HRH1: variants seen among roughly 807,000 people sequenced by gnomAD.
HRH1 encodes the protein histamine receptor H1.
HRH1 carries 6 observed loss-of-function variants against 10.3 expected under a neutral mutation model. The observed-to-expected ratio is 0.58, with a 90% CI of 0.32 to 1.15. The LOEUF is 1.15. Among genes scored for constraint, HRH1 ranks in the 50% most tolerant of loss-of-function variants. The pLI, the probability that HRH1 is intolerant of heterozygous loss-of-function variation, is 0.05. For synonymous variants in HRH1, 242 were observed against 236.7 expected, an observed-to-expected ratio of 1.02 and a Z score of -0.21; for missense variants, 514 against 615.3, an observed-to-expected ratio of 0.84 and a Z score of 1.74.
intron 1 of HRH1, among the ~76,000 whole-genome samples, chr3:11,171,993 T>C (rs1297673765): frequency 6.6e-6 from 1 of 152,226 alleles, no homozygotes; most frequent in Non-Finnish European, 1.5e-5. Flanking sequence ...TGAGCTGATT[T>C]ATCTTCAAGG....
At chr3:11,148,810 CTTTTTTT>C (rs755029776) in intron 1 of HRH1, among the ~76,000 whole-genome samples, 37 of 84,444 alleles carry the variant, frequency 4.4e-4, no homozygotes, top group African/African-American at 1.4e-3. Context: ...AAACCACAGT[CTTTTTTT>C]TTTTTTTTTT....
At chr3:11,191,903 T>C (rs1420362393) in intron 1 of HRH1, among the ~76,000 whole-genome samples, 1 of 152,202 alleles carries the variant, frequency 6.6e-6, no homozygotes, top group African/African-American at 2.4e-5. Context: ...AACATCCCTA[T>C]GGGGCTGGCA....
At chr3:11,212,736 G>A (rs1938368244) in intron 1 of HRH1, among the ~76,000 whole-genome samples, 1 of 152,162 alleles carries the variant, frequency 6.6e-6, no homozygotes, top group Non-Finnish European at 1.5e-5. Flanking sequence ...GTATAGCATA[G>A]CAATTAAGGA....
intron 1 of HRH1, among the ~76,000 whole-genome samples, chr3:11,201,897 T>C (rs186992243): frequency 7.3e-4 from 111 of 152,334 alleles, no homozygotes; most frequent in African/African-American, 2.4e-3. Flanking sequence ...CGCCCAGGCC[T>C]GTGGCAGTGT....
chr3:11,138,120 A>C (rs1420273242), intron 1 of HRH1, among the ~76,000 whole-genome samples: 1 of 150,664 alleles, frequency 6.6e-6, no homozygotes. Context: ...GGTTCACACC[A>C]TTCTCCTGCC....
At chr3:11,155,727 G>C (rs903617399) in intron 1 of HRH1, among the ~76,000 whole-genome samples, 1 of 152,174 alleles carries the variant, frequency 6.6e-6, no homozygotes, top group Non-Finnish European at 1.5e-5. Context: ...CCTGTGACAG[G>C]AGCACAGACG....
intron 1 of HRH1, among the ~76,000 whole-genome samples, chr3:11,252,539 C>G (rs949755095): frequency 2.0e-5 from 3 of 152,132 alleles, no homozygotes; most frequent in Non-Finnish European, 4.4e-5. Flanking sequence ...TGTTTTCAAC[C>G]GGAGTGAGGG....
chr3:11,255,977 T>C (rs781113504), intron 1 of HRH1, among the ~76,000 whole-genome samples: 15 of 152,172 alleles, frequency 9.9e-5, no homozygotes, highest in Non-Finnish European at 1.8e-4. Context: ...TCCACAGGGT[T>C]TGGACTTGAT....
At chr3:11,223,447 A>G (rs1285052212) in intron 1 of HRH1, among the ~76,000 whole-genome samples, 3 of 151,874 alleles carry the variant, frequency 2.0e-5, no homozygotes, top group Non-Finnish European at 1.5e-5. Context: ...TGCAGTGAGC[A>G]GAGATGGCGC....
At position 11,259,784 on chromosome 3, in the gene HRH1, G is replaced by T; in HGVS notation, c.747G>T (p.Lys249Asn). Residue 249 changes from lysine (K) to asparagine (N), a missense_variant, in exon 2 of 2, where the codon AAG becomes AAT. By Grantham distance (94) the Lys-to-Asn change is moderately conservative (BLOSUM62 0). Coordinates refer to ENST00000431010, the MANE Select transcript of HRH1 (RefSeq NM_001098212.2). This position sits in a 1 kb window ranked among gnomAD's most constrained non-coding sequence, Gnocchi z 4.6. ...LRPENPKGDA[K>N]KPGKESPWEV... is the part of the protein sequence containing the mutation. ...CAGAGAACCCCAAGGGGGATGCCAA[G>T]AAACCAGGGAAGGAGTCTCCCTGGG... The T allele has an allele frequency of 6.2e-7, 1 of 1,613,994 alleles. No individual in the cohort carries two copies. Among genetic ancestry groups the T allele is most frequent in the Non-Finnish European group, 8.5e-7 (1 of 1,180,006 alleles).
intron 1 of HRH1, among the ~76,000 whole-genome samples, chr3:11,243,476 A>G (rs781397002): frequency 1.3e-5 from 2 of 152,248 alleles, no homozygotes; most frequent in East Asian, 1.9e-4. Context: ...AAAGAGGAGC[A>G]TGTTAGAAGT....
At chr3:11,213,195 G>A (rs1481576704) in intron 1 of HRH1, among the ~76,000 whole-genome samples, 1 of 152,212 alleles carries the variant, frequency 6.6e-6, no homozygotes, top group Non-Finnish European at 1.5e-5. Context: ...TTGTGGACGA[G>A]CACTTTGACT....
intron 1 of HRH1, among the ~76,000 whole-genome samples, chr3:11,144,482 TAC>T (rs1224004132): frequency 8.2e-4 from 8 of 9,722 alleles, no homozygotes; most frequent in Middle Eastern, 0.056. Context: ...GACATATATA[TAC>T]ACACACACAC....
rs775985463 is a variant in HRH1, at chr3:11,198,901, TATACAC to T, written c.-36+44349_-36+44354del. Reference sequence around the variant, plus strand: ...GTGTATTGTAAACTCTCTCTCTCTTTATACACACACACACACACACACACACATTTT... The same window carrying T: ...GTGTATTGTAAACTCTCTCTCTCTTTACACACACACACACACACACATTTT... On this transcript the variant is annotated intron_variant, in intron 1 of 1. Transcript: ENST00000431010. Among the ~76,000 whole-genome samples, 68 of 86,140 alleles carry T rather than the reference TATACAC, an allele frequency of 7.9e-4. 1 individual carries two copies. The South Asian group carries it at 0.02, about 25-fold the overall frequency. 56.5% of individuals were successfully genotyped at this position (86,140 alleles called of 152,430 possible). A position where few individuals can be genotyped will look rare whatever the true frequency, so the allele number is the denominator to read the frequency against.
At chr3:11,214,997 G>A (rs1938442013) in intron 1 of HRH1, among the ~76,000 whole-genome samples, 1 of 152,200 alleles carries the variant, frequency 6.6e-6, no homozygotes, top group Non-Finnish European at 1.5e-5. Flanking sequence ...GTTTGCAACA[G>A]AATAAAAATA....
intron 1 of HRH1, among the ~76,000 whole-genome samples, chr3:11,186,580 G>A (rs1356362096): frequency 6.6e-6 from 1 of 152,188 alleles, no homozygotes; most frequent in African/African-American, 2.4e-5. Context: ...AGGAAGAGCT[G>A]ACTTTAATGC....
chr3:11,252,419 G>T (rs1239239021), intron 1 of HRH1, among the ~76,000 whole-genome samples: 1 of 152,172 alleles, frequency 6.6e-6, no homozygotes, highest in Non-Finnish European at 1.5e-5. Context: ...TACTGGAGGG[G>T]ACATATGCAC....
intron 1 of HRH1, among the ~76,000 whole-genome samples, chr3:11,164,848 G>A (rs755897313): frequency 6.6e-6 from 1 of 152,272 alleles, no homozygotes; most frequent in Admixed American, 6.5e-5. Flanking sequence ...AAAAGTTCTC[G>A]CTGAATTTCT....
At chr3:11,219,981 T>C (rs1047673741) in intron 1 of HRH1, among the ~76,000 whole-genome samples, 1 of 151,110 alleles carries the variant, frequency 6.6e-6, no homozygotes, top group African/African-American at 2.4e-5. Flanking sequence ...ACAATAAATT[T>C]TTCTGAAAAA....
Sources: allele counts gnomAD v4.1 joint callset (sites outside exome capture counted in the v4.1 genomes callset), GRCh38; gene constraint gnomAD v4.1.1; non-coding constraint Gnocchi (gnomAD v3.1); transcripts MANE v1.5; gene names NCBI Gene and HGNC (gene_info 2026-07-23, HGNC 2026-07-21).